Variants in NLK observed in about 807,000 individuals in gnomAD.
NLK encodes nemo like kinase.
Under a neutral mutation model 59.0 loss-of-function variants are expected in NLK, and 11 were observed. That is an observed-to-expected ratio of 0.19 (90% CI 0.12 to 0.31). NLK has a LOEUF of 0.31. Among genes scored for constraint, NLK ranks in the 10% least tolerant of loss-of-function variants. NLK has a pLI of 1.00. For synonymous variants in NLK, 235 were observed against 235.9 expected (o/e 1.00, Z 0.03); for missense variants, 410 against 661.1 (o/e 0.62, Z 4.16).
At chr17:28,097,154 C>T (rs1194233856) in intron 1 of NLK, among the ~76,000 whole-genome samples, 1 of 152,136 alleles carries the variant, frequency 6.6e-6, no homozygotes, top group Non-Finnish European at 1.5e-5. Flanking sequence ...CACCAAGGTA[C>T]AAGATGCATA....
intron 3 of NLK, among the ~76,000 whole-genome samples, chr17:28,145,673 C>A (rs545026849): frequency 6.6e-6 from 1 of 151,958 alleles, no homozygotes; most frequent in South Asian, 2.1e-4. Flanking sequence ...TTGAGATGGC[C>A]TAGTCTTTCC....
intron 5 of NLK, 44 bp from the exon 6 acceptor site, chr17:28,168,400 TTTCA>T (rs1169101632): frequency 1.2e-5 from 17 of 1,399,418 alleles, no homozygotes; most frequent in Non-Finnish European, 1.7e-5. Flanking sequence ...TGTTTTACTC[TTTCA>T]TTTGTATTTG....
At chr17:28,069,253 G>C (rs1026796563) in intron 1 of NLK, among the ~76,000 whole-genome samples, 4 of 152,188 alleles carry the variant, frequency 2.6e-5, no homozygotes, top group African/African-American at 9.6e-5. Flanking sequence ...GCACATATCA[G>C]TGTTTTTTTC....
chr17:28,149,582 A>C (rs1421579080), intron 3 of NLK, among the ~76,000 whole-genome samples: 1 of 152,216 alleles, frequency 6.6e-6, no homozygotes, highest in East Asian at 1.9e-4. Flanking sequence ...CTTTAGAAGA[A>C]TATATCTTTG....
chr17:28,062,808 T>TGA (rs1177574918), intron 1 of NLK, among the ~76,000 whole-genome samples: 1 of 152,354 alleles, frequency 6.6e-6, no homozygotes, highest in African/African-American at 2.4e-5. Context: ...CTCAAACTCC[T>TGA]GACCTGAAGT....
chr17:28,157,889 G>C (rs937156534), intron 3 of NLK, among the ~76,000 whole-genome samples: 4 of 152,162 alleles, frequency 2.6e-5, no homozygotes, highest in Non-Finnish European at 4.4e-5. Context: ...CCTAGCAGGT[G>C]CTCAATATAC....
chr17:28,062,971 C>T (rs1389182407), intron 1 of NLK, among the ~76,000 whole-genome samples: 2 of 152,142 alleles, frequency 1.3e-5, no homozygotes, highest in South Asian at 2.1e-4. Context: ...AGCTCTGTCG[C>T]CCAGGTTGGA....
intron 3 of NLK, among the ~76,000 whole-genome samples, chr17:28,136,657 AC>A (rs1185694317): frequency 2.0e-5 from 3 of 152,152 alleles, no homozygotes; most frequent in African/African-American, 7.2e-5. Context: ...AGGCTGGAAT[AC>A]AATGGCATAA....
chr17:28,064,207 C>T (rs1273808943), intron 1 of NLK, among the ~76,000 whole-genome samples: 1 of 110,270 alleles, frequency 9.1e-6, no homozygotes, highest in Non-Finnish European at 1.8e-5. Context: ...TTTAAAGAGA[C>T]AAGGTCTCAC....
chr17:28,046,495 T>C (rs988515542), intron 1 of NLK, among the ~76,000 whole-genome samples: 1 of 152,206 alleles, frequency 6.6e-6, no homozygotes, highest in Non-Finnish European at 1.5e-5. Flanking sequence ...AATTTGACCT[T>C]CTTTTTGAGA....
chr17:28,194,576 T>G lies in NLK; in HGVS notation c.1530-6T>G. The stretch of plus-strand genomic sequence containing the variant: ...AACTAATTTCTCCATCTCTGTTTTC[T>G]TCCAGTTCCACTGTTGCTCAGCCAT... On this transcript the variant is annotated splice_polypyrimidine_tract_variant and splice_region_variant and intron_variant, in intron 10 of 10. Transcript: ENST00000407008. 6.3e-7 allele frequency: 1 copy of G among 1,592,424 alleles called. No homozygotes were observed. Among genetic ancestry groups the G allele is most frequent in the Non-Finnish European group, 8.6e-7 (1 of 1,163,516 alleles).
At chr17:28,203,124 C>A in the NLK span, among the ~76,000 whole-genome samples, 2 of 150,288 alleles carry the variant, frequency 1.3e-5, no homozygotes, top group East Asian at 3.9e-4. Context: ...AAAATAAACA[C>A]GCAAACACGT....
chr17:28,152,401 A>C (rs920998644), intron 3 of NLK, among the ~76,000 whole-genome samples: 2 of 152,238 alleles, frequency 1.3e-5, no homozygotes, highest in African/African-American at 4.8e-5. Flanking sequence ...AAACTTGAAA[A>C]TTAAGATGTT....
rs1327808274 is a variant in NLK, at chr17:28,163,727, T to G, written c.837+99T>G. ...GTGAAAGAAAGAAGTTCATTTCCATTACTTTACCAAAAGTTAACCCAGTTT... is the reference window on the plus strand; with the variant it reads ...GTGAAAGAAAGAAGTTCATTTCCATGACTTTACCAAAAGTTAACCCAGTTT... On this transcript the variant is annotated intron_variant, in intron 5 of 10. Coordinates refer to ENST00000407008, the MANE Select transcript of NLK (RefSeq NM_016231.5). The G allele has an allele frequency of 6.9e-6, 5 of 721,830 alleles. No homozygotes were observed. In the East Asian group the frequency reaches 1.4e-4, roughly 20 times the overall value. The allele number at this position is 721,830 out of a possible 1,614,324, so 44.7% of individuals were successfully genotyped here.
chr17:28,083,326 A>G (rs1480530742), intron 1 of NLK, among the ~76,000 whole-genome samples: 2 of 152,148 alleles, frequency 1.3e-5, no homozygotes, highest in African/African-American at 4.8e-5. Context: ...AAATACATGA[A>G]TTTGTGGAGA....
intron 1 of NLK, among the ~76,000 whole-genome samples, chr17:28,051,906 A>G (rs1477959354): frequency 6.6e-6 from 1 of 152,170 alleles, no homozygotes; most frequent in Non-Finnish European, 1.5e-5. Context: ...TACAGTGTTG[A>G]ATAGCTTCTA....
chr17:28,181,852 A>G (rs753730665), intron 7 of NLK, among the ~76,000 whole-genome samples: 1 of 152,142 alleles, frequency 6.6e-6, no homozygotes, highest in Non-Finnish European at 1.5e-5. Context: ...CTCTAAAAAA[A>G]TACAAAAATT....
intron 3 of NLK, among the ~76,000 whole-genome samples, chr17:28,146,657 T>G (rs1907267909): frequency 6.6e-6 from 1 of 152,208 alleles, no homozygotes; most frequent in Non-Finnish European, 1.5e-5. Flanking sequence ...CGCCTCCCAC[T>G]GCTGAACCTG....
At chr17:28,204,353 C>G in the NLK span, among the ~76,000 whole-genome samples, 13 of 152,278 alleles carry the variant, frequency 8.5e-5, no homozygotes, top group Admixed American at 1.3e-4. Flanking sequence ...GTATCTCACT[C>G]CCTTTAACCT....
Sources: allele counts gnomAD v4.1 joint callset (sites outside exome capture counted in the v4.1 genomes callset), GRCh38; gene constraint gnomAD v4.1.1; transcripts MANE v1.5; gene names NCBI Gene and HGNC (gene_info 2026-07-23, HGNC 2026-07-21).